Variants in MAP4K5 observed in about 807,000 individuals in gnomAD.
MAP4K5 encodes the protein MAPK/ERK kinase kinase kinase 5.
MAP4K5 carries 82 observed loss-of-function variants against 135.6 expected under a neutral mutation model. That is an observed-to-expected ratio of 0.60 (90% CI 0.51 to 0.73). The LOEUF is 0.73. Among genes scored for constraint, MAP4K5 ranks in the 30% least tolerant of loss-of-function variants. The pLI, the probability that MAP4K5 is intolerant of heterozygous loss-of-function variation, is 0.00. For synonymous variants in MAP4K5, 347 were observed against 335.0 expected (o/e 1.04, Z -0.39); for missense variants, 907 against 1,010.9 (o/e 0.90, Z 1.39).
chr14:50,484,177 A>C (rs1419627731), intron 5 of MAP4K5, among the ~76,000 whole-genome samples: 1 of 152,198 alleles, frequency 6.6e-6, no homozygotes, highest in African/African-American at 2.4e-5. Context: ...ATCCAGTGGC[A>C]CAGAGAATTT....
At chr14:50,452,604 T>A (rs2036514858) in intron 14 of MAP4K5, among the ~76,000 whole-genome samples, 1 of 152,130 alleles carries the variant, frequency 6.6e-6, no homozygotes, top group Non-Finnish European at 1.5e-5. Flanking sequence ...TATATTAAAA[T>A]TCAGAGACTG....
At chr14:50,450,469 G>T (rs1290755511) in intron 14 of MAP4K5, 1 of 151,992 alleles carries the variant, frequency 6.6e-6, no homozygotes, top group African/African-American at 2.4e-5. Flanking sequence ...TCCAAACTAG[G>T]ACACAAGAAA....
intron 2 of MAP4K5, among the ~76,000 whole-genome samples, chr14:50,515,134 C>T (rs1595535775): frequency 1.3e-5 from 2 of 152,140 alleles, no homozygotes; most frequent in Middle Eastern, 6.8e-3. Context: ...GATCTCCTGA[C>T]CTTGTGATCT....
chr14:50,452,054 G>A (rs1366766092), intron 14 of MAP4K5, among the ~76,000 whole-genome samples: 2 of 152,120 alleles, frequency 1.3e-5, no homozygotes, highest in African/African-American at 4.8e-5. Flanking sequence ...GCTGGACAGC[G>A]ACAGCAAGCC....
At chr14:50,475,592 T>C (rs150763912) in intron 8 of MAP4K5, among the ~76,000 whole-genome samples, 1 of 152,264 alleles carries the variant, frequency 6.6e-6, no homozygotes, top group East Asian at 1.9e-4. Flanking sequence ...TTGTAATCCC[T>C]GCTACTTGGG....
At chr14:50,449,061 G>A in intron 14 of MAP4K5, 4 of 441,240 alleles carry the variant, frequency 9.1e-6, no homozygotes, top group East Asian at 4.0e-5. Context: ...TTTGGAATCA[G>A]GAAATTAAAC....
intron 9 of MAP4K5, among the ~76,000 whole-genome samples, chr14:50,469,861 A>G (rs2036917091): frequency 6.6e-6 from 1 of 152,176 alleles, no homozygotes; most frequent in African/African-American, 2.4e-5. Flanking sequence ...ATTAATTTGA[A>G]TTGAATATCC....
At chr14:50,488,335 T>C (rs1443583034) in intron 3 of MAP4K5, among the ~76,000 whole-genome samples, 1 of 152,204 alleles carries the variant, frequency 6.6e-6, no homozygotes, top group Non-Finnish European at 1.5e-5. Flanking sequence ...CTTTGATGCC[T>C]GAGAATTACA....
At chr14:50,439,264 A>C (rs1231667573) in intron 23 of MAP4K5, among the ~76,000 whole-genome samples, 1 of 151,430 alleles carries the variant, frequency 6.6e-6, no homozygotes, top group African/African-American at 2.4e-5. Flanking sequence ...AAATGAAAGC[A>C]ATCAGCAAAC....
At chr14:50,439,975 G>A (rs774193804) in intron 23 of MAP4K5, 38 bp downstream of exon 23, 1 of 1,427,408 alleles carries the variant, frequency 7.0e-7, no homozygotes, top group Non-Finnish European at 9.5e-7. Flanking sequence ...ACATTTCTCT[G>A]CTTATCTATG....
At chr14:50,452,704 C>T (rs753279397) in intron 14 of MAP4K5, among the ~76,000 whole-genome samples, 3 of 152,138 alleles carry the variant, frequency 2.0e-5, no homozygotes, top group Non-Finnish European at 4.4e-5. Context: ...GGGTGTTGAT[C>T]CCTGTATTCA....
chr14:50,508,873 A>G (rs975994454), intron 2 of MAP4K5, among the ~76,000 whole-genome samples: 28 of 152,078 alleles, frequency 1.8e-4, no homozygotes, highest in Non-Finnish European at 7.4e-5. Flanking sequence ...CAGTGATCCC[A>G]TTACTGGGTA....
intron 2 of MAP4K5, among the ~76,000 whole-genome samples, chr14:50,515,996 C>G (rs2140068280): frequency 6.6e-6 from 1 of 152,352 alleles, no homozygotes; most frequent in South Asian, 2.1e-4. Context: ...TAATCTAAAT[C>G]AAATTTACCG....
Position 50,425,981 on chromosome 14 carries a change from AAAATG to A in MAP4K5, c.2327-9_2327-5del. ...AACACACTGTCTTGAAGGCATACTA[AAAATG>A]ATAAGGGAGAAGTGAAACTAATATA... On this transcript the variant is annotated splice_region_variant and splice_polypyrimidine_tract_variant and intron_variant, in intron 30 of 32. Transcript: ENST00000682126. 3.1e-6 allele frequency: 5 copies of A among 1,593,266 alleles called. No individual in the cohort carries two copies. The highest frequency in any genetic ancestry group is 4.3e-6 in the Non-Finnish European group (5 of 1,162,278).
At chr14:50,541,581 G>T (rs780653251) in intron 2 of MAP4K5, among the ~76,000 whole-genome samples, 2 of 152,264 alleles carry the variant, frequency 1.3e-5, no homozygotes, top group South Asian at 2.1e-4. Context: ...ACTACATAAT[G>T]TACTACAGAG....
intron 23 of MAP4K5, 26 bp downstream of exon 23, chr14:50,439,987 T>C: frequency 6.8e-7 from 1 of 1,474,514 alleles, no homozygotes. Flanking sequence ...TTATCTATGG[T>C]TTATTTTTCA....
At chr14:50,503,274 C>A (rs1456998438) in intron 3 of MAP4K5, among the ~76,000 whole-genome samples, 3 of 151,934 alleles carry the variant, frequency 2.0e-5, no homozygotes, top group African/African-American at 7.2e-5. Context: ...TTTAAATGGC[C>A]AAATACTAAG....
chr14:50,443,610 A>G (rs1332090050), intron 20 of MAP4K5, 119 bp downstream of exon 20: 4 of 797,240 alleles, frequency 5.0e-6, no homozygotes, highest in Middle Eastern at 3.2e-4. Flanking sequence ...AATGCATTCA[A>G]TATCTTTGTA....
intron 3 of MAP4K5, among the ~76,000 whole-genome samples, chr14:50,501,453 AAAC>A (rs1346484519): frequency 1.3e-5 from 2 of 152,132 alleles, no homozygotes; most frequent in Non-Finnish European, 2.9e-5. Flanking sequence ...TTAAAAACAA[AAAC>A]AACAACAGAA....
Sources: allele counts gnomAD v4.1 joint callset (sites outside exome capture counted in the v4.1 genomes callset), GRCh38; gene constraint gnomAD v4.1.1; transcripts MANE v1.5; gene names NCBI Gene and HGNC (gene_info 2026-07-23, HGNC 2026-07-21).